SETD3: variants seen among roughly 807,000 people sequenced by gnomAD.
The protein encoded by SETD3 is SET domain containing 3, actin N3(tau)-histidine methyltransferase, also known as actin-histidine N-methyltransferase.
SETD3 carries 19 observed loss-of-function variants against 63.0 expected under a neutral mutation model. The observed-to-expected ratio is 0.30, with a 90% CI of 0.21 to 0.44. The LOEUF is 0.44. Among genes scored for constraint, SETD3 ranks in the 20% least tolerant of loss-of-function variants. SETD3 has a pLI of 1.00. For missense variants in SETD3, 587 were observed against 728.5 expected (o/e 0.81, Z 2.24); for synonymous variants, 286 against 264.1 (o/e 1.08, Z -0.80).
intron 6 of SETD3, among the ~76,000 whole-genome samples, chr14:99,426,133 C>T (rs1378537065): frequency 6.6e-6 from 1 of 152,210 alleles, no homozygotes; most frequent in Non-Finnish European, 1.5e-5. Flanking sequence ...CCCCCATCCA[C>T]TTAGCCAAAT....
chr14:99,436,688 G>A (rs1296307699), intron 6 of SETD3, among the ~76,000 whole-genome samples: 3 of 152,142 alleles, frequency 2.0e-5, no homozygotes, highest in African/African-American at 7.2e-5. Flanking sequence ...AGCCTCTCCA[G>A]GAAGGAAGTA....
intron 6 of SETD3, among the ~76,000 whole-genome samples, chr14:99,454,362 T>G (rs1894635570): frequency 6.6e-6 from 1 of 152,066 alleles, no homozygotes; most frequent in Non-Finnish European, 1.5e-5. Flanking sequence ...GCTAATTTTT[T>G]GTAGAGATGG....
In SETD3 at chr14:99,442,140, C is replaced by T. The variant is rs116788094; in HGVS notation, c.675+16139G>A. ...CGGCTCCGCATCAGATCTCAATCAG[C>T]CCCAACCTAGCCACTTCCTGGCTGT... On this transcript the variant is annotated intron_variant, in intron 6 of 12. Coordinates refer to ENST00000331768, the MANE Select transcript of SETD3 (RefSeq NM_032233.3). Among the ~76,000 whole-genome samples the T allele has an allele frequency of 7.1e-3, 1,088 of 152,270 alleles. 8 individuals carry two copies. Among genetic ancestry groups the T allele is most frequent in the African/African-American group, 0.024 (1,003 of 41,554 alleles).
At position 99,432,309 on chromosome 14, in the gene SETD3, T is replaced by G. The variant is rs188093142; in HGVS notation, c.676-18375A>C. Among the ~76,000 whole-genome samples the G allele has an allele frequency of 3.9e-3, 596 of 152,326 alleles. 2 individuals carry two copies. The highest frequency in any genetic ancestry group is 0.012 in the South Asian group (58 of 4,830). ...CATTTATTTTCTGAATTGAATATTT[T>G]GTGCAGGAAAAAATGTCAGTATTTC... On this transcript the variant is annotated intron_variant, in intron 6 of 12. Transcript: ENST00000331768.
At chr14:99,444,296 A>T (rs189296641) in intron 6 of SETD3, 6 of 152,316 alleles carry the variant, frequency 3.9e-5, no homozygotes, top group Admixed American at 3.3e-4. Context: ...TACAGCTAAA[A>T]TGAATTTCCA....
At chr14:99,453,584 G>C (rs1165743500) in intron 6 of SETD3, among the ~76,000 whole-genome samples, 1 of 152,086 alleles carries the variant, frequency 6.6e-6, no homozygotes, top group Admixed American at 6.5e-5. Flanking sequence ...CAGCACTTTG[G>C]GAGGCCGAGG....
chr14:99,464,927 G>C (rs1335082293), intron 2 of SETD3, among the ~76,000 whole-genome samples: 1 of 152,072 alleles, frequency 6.6e-6, no homozygotes, highest in African/African-American at 2.4e-5. Context: ...AGGATCTCTC[G>C]AGCCCAAGAG....
chr14:99,481,182 T>A (rs368221144), upstream of SETD3: 2 of 382,060 alleles, frequency 5.2e-6, no homozygotes, highest in Non-Finnish European at 9.3e-6. Context: ...TGCTCCAGAA[T>A]GCCTTTTCGC....
At chr14:99,483,799 A>T (rs1373017409), upstream of SETD3, among the ~76,000 whole-genome samples, 1 of 152,194 alleles carries the variant, frequency 6.6e-6, no homozygotes, top group East Asian at 1.9e-4. Flanking sequence ...GCCTGGGGAG[A>T]TGTCTTTGGA....
chr14:99,406,426 A>G, intron 9 of SETD3, 90 bp downstream of exon 9: 1 of 1,200,234 alleles, frequency 8.3e-7, no homozygotes, highest in Middle Eastern at 1.9e-4. Context: ...TTTTTCCCCT[A>G]AGTTAAGTTC....
At chr14:99,449,637 T>G (rs554582623) in intron 6 of SETD3, among the ~76,000 whole-genome samples, 1 of 152,300 alleles carries the variant, frequency 6.6e-6, no homozygotes, top group South Asian at 2.1e-4. Flanking sequence ...TTGAGAAGAT[T>G]CGACAACTAA....
chr14:99,429,567 T>C (rs991550190), intron 6 of SETD3, among the ~76,000 whole-genome samples: 4 of 152,238 alleles, frequency 2.6e-5, no homozygotes, highest in African/African-American at 9.6e-5. Context: ...GGTTATACCA[T>C]TTCTTGTCTC....
At chr14:99,407,171 CCTCT>C (rs1247236970) in intron 8 of SETD3, among the ~76,000 whole-genome samples, 4 of 152,032 alleles carry the variant, frequency 2.6e-5, no homozygotes, top group Non-Finnish European at 5.9e-5. Context: ...TTTTTTATGC[CCTCT>C]CTTTCTGCTG....
upstream of SETD3, among the ~76,000 whole-genome samples, chr14:99,483,441 T>C (rs1404710667): frequency 6.6e-6 from 1 of 152,024 alleles, no homozygotes; most frequent in Admixed American, 6.5e-5. Flanking sequence ...TAGTAGCTAC[T>C]TGGGAGACTG....
chr14:99,446,543 A>C (rs145076429), intron 6 of SETD3, among the ~76,000 whole-genome samples: 1 of 152,170 alleles, frequency 6.6e-6, no homozygotes, highest in African/African-American at 2.4e-5. Flanking sequence ...TTGCCCTTTA[A>C]GTCTGTATTC....
chr14:99,437,849 G>A (rs12895433), intron 6 of SETD3, among the ~76,000 whole-genome samples: 63,648 of 151,992 alleles, frequency 0.42, 13,839 homozygotes, highest in East Asian at 0.56. Context: ...TTGTCACTAC[G>A]TCACCTACAT....
intron 6 of SETD3, among the ~76,000 whole-genome samples, chr14:99,425,408 C>G (rs960593915): frequency 1.3e-5 from 2 of 152,222 alleles, no homozygotes; most frequent in African/African-American, 4.8e-5. Flanking sequence ...CCCAGCAGAG[C>G]CAAGTGGTTA....
At chr14:99,425,345 C>T (rs888037912) in intron 6 of SETD3, among the ~76,000 whole-genome samples, 1 of 152,180 alleles carries the variant, frequency 6.6e-6, no homozygotes, top group Non-Finnish European at 1.5e-5. Flanking sequence ...AGGGGTTAGG[C>T]GCATGCAAGA....
At chr14:99,458,983 C>T (rs928012063) in intron 5 of SETD3, 130 bp downstream of exon 5, 15 of 597,074 alleles carry the variant, frequency 2.5e-5, no homozygotes, top group African/African-American at 2.3e-4. Flanking sequence ...ATGAAAAACA[C>T]TTAATGCATA....
Sources: gnomAD v4.1 joint callset for allele counts (sites outside exome capture counted in the v4.1 genomes callset) on GRCh38, gnomAD v4.1.1 for gene constraint, MANE v1.5 for transcripts, NCBI Gene and HGNC (gene_info 2026-07-23, HGNC 2026-07-21) for gene names.